Variants in ARNT2 observed in about 807,000 individuals in gnomAD.
ARNT2 encodes aryl hydrocarbon receptor nuclear translocator 2, also known as ARNT protein 2.
Under a neutral mutation model 91.7 loss-of-function variants are expected in ARNT2, and 36 were observed. The observed-to-expected ratio is 0.39, with a 90% CI of 0.30 to 0.52. The LOEUF is 0.52. ARNT2 is among the 20% of genes least tolerant of loss of function. The pLI, the probability that ARNT2 is intolerant of heterozygous loss-of-function variation, is 0.72. For missense variants in ARNT2, 775 were observed against 939.3 expected (o/e 0.83, Z 2.29); for synonymous variants, 365 against 347.1 (o/e 1.05, Z -0.57).
chr15:80,568,120 C>T (rs1345516024), intron 12 of ARNT2, among the ~76,000 whole-genome samples: 1 of 152,166 alleles, frequency 6.6e-6, no homozygotes, highest in Non-Finnish European at 1.5e-5. Context: ...ATCATCCTTG[C>T]TTTTTTTCCT....
At chr15:80,483,504 G>C (rs1896921142) in intron 5 of ARNT2, among the ~76,000 whole-genome samples, 1 of 152,178 alleles carries the variant, frequency 6.6e-6, no homozygotes, top group Non-Finnish European at 1.5e-5. Flanking sequence ...TTGCTATCTA[G>C]GGCAGAGGCT....
chr15:80,427,576 A>T (rs1370890411), intron 1 of ARNT2, among the ~76,000 whole-genome samples: 1 of 152,218 alleles, frequency 6.6e-6, no homozygotes, highest in African/African-American at 2.4e-5. Context: ...TTTAGAATAC[A>T]GAGTGTGAGG....
chr15:80,566,285 C>T (rs147387872), intron 12 of ARNT2, among the ~76,000 whole-genome samples: 2 of 151,730 alleles, frequency 1.3e-5, no homozygotes, highest in Non-Finnish European at 2.9e-5. Flanking sequence ...ACCTTGCCTT[C>T]CAACAAACAG....
intron 8 of ARNT2, among the ~76,000 whole-genome samples, chr15:80,525,161 A>G (rs911156808): frequency 1.3e-5 from 2 of 152,248 alleles, no homozygotes; most frequent in Non-Finnish European, 2.9e-5. Flanking sequence ...CTAAAGAGGC[A>G]TTCCAGACAA....
chr15:80,407,642 C>G (rs1178831778), intron 1 of ARNT2, among the ~76,000 whole-genome samples: 1 of 152,160 alleles, frequency 6.6e-6, no homozygotes, highest in African/African-American at 2.4e-5. Flanking sequence ...TCTTTTCTCT[C>G]TGGCCAGGAA....
intron 5 of ARNT2, among the ~76,000 whole-genome samples, chr15:80,486,735 G>T (rs77653620): frequency 0.047 from 7,200 of 152,258 alleles, 311 homozygotes; most frequent in East Asian, 0.13. Flanking sequence ...CCTGCTGGGG[G>T]ATAGGAATAC....
intron 3 of ARNT2, among the ~76,000 whole-genome samples, chr15:80,469,487 A>G (rs980078280): frequency 2.6e-5 from 4 of 151,010 alleles, no homozygotes; most frequent in African/African-American, 9.7e-5. Flanking sequence ...TGCAAGATAT[A>G]ATATGTAAAT....
intron 3 of ARNT2, among the ~76,000 whole-genome samples, chr15:80,466,500 G>T (rs557820116): frequency 1.3e-5 from 2 of 152,290 alleles, no homozygotes; most frequent in South Asian, 4.1e-4. Context: ...CAAGCATGTG[G>T]TACACACGCA....
rs1337013035 is a variant in ARNT2 at position 80,597,215 on chromosome 15, C to G, written c.*3517C>G. The G allele has an allele frequency of 1.9e-6, 1 of 518,484 alleles. No individual in the cohort carries two copies. The highest frequency in any genetic ancestry group is 1.9e-5 in the Admixed American group (1 of 51,534). 32.1% of individuals were successfully genotyped at this position (518,484 alleles called of 1,614,324 possible). A position where few individuals can be genotyped will look rare whatever the true frequency, so the allele number is the denominator to read the frequency against. Reference sequence around the variant, plus strand: ...CCCAGGGAATGAATGGTGGTCTCCCCACTCCCGGCAGCACTTTAGGCAGCC... The same window carrying G: ...CCCAGGGAATGAATGGTGGTCTCCCGACTCCCGGCAGCACTTTAGGCAGCC... On this transcript the variant is annotated 3_prime_UTR_variant, in exon 19 of 19. Transcript: ENST00000303329.
At chr15:80,434,391 C>T (rs1217575962) in intron 1 of ARNT2, 3 of 152,216 alleles carry the variant, frequency 2.0e-5, no homozygotes, top group Non-Finnish European at 2.9e-5. Context: ...TTGAGAATAA[C>T]GGAATTGCCT....
At chr15:80,453,297 T>C (rs572680647) in intron 2 of ARNT2, among the ~76,000 whole-genome samples, 4 of 152,274 alleles carry the variant, frequency 2.6e-5, no homozygotes, top group Admixed American at 2.6e-4. Context: ...GCAGGACCTG[T>C]GGAAGGCAAA....
intron 11 of ARNT2, among the ~76,000 whole-genome samples, chr15:80,562,626 C>T (rs1193336640): frequency 1.3e-5 from 2 of 152,164 alleles, no homozygotes; most frequent in Non-Finnish European, 1.5e-5. Context: ...CAACGTTAAG[C>T]AGGGTTAAGC....
chr15:80,404,452 C>T lies in ARNT2; in HGVS notation c.-64C>T, dbSNP rs1895566201. 1 of 1,124,052 alleles carries T rather than the reference C, an allele frequency of 8.9e-7. No homozygotes were observed. Among genetic ancestry groups the T allele is most frequent in the Non-Finnish European group, 1.1e-6 (1 of 894,478 alleles). 69.6% of individuals were successfully genotyped at this position (1,124,052 alleles called of 1,614,324 possible). ...GCCTGACCGGGTCCCCGGGGCTGAG[C>T]GCCGGGCTCCGCGCCGCCCCTCCCG... On this transcript the variant is annotated 5_prime_UTR_variant, in exon 1 of 19. Transcript: ENST00000303329. This position sits in a 1 kb window ranked among gnomAD's most constrained non-coding sequence, Gnocchi z 5.5.
intron 1 of ARNT2, among the ~76,000 whole-genome samples, chr15:80,409,288 T>G (rs1895649132): frequency 6.6e-6 from 1 of 152,252 alleles, no homozygotes; most frequent in Non-Finnish European, 1.5e-5. Flanking sequence ...GTCTCCATAG[T>G]TTTGCCTTTT....
At chr15:80,445,671 C>T (rs1408704232) in intron 1 of ARNT2, among the ~76,000 whole-genome samples, 3 of 151,892 alleles carry the variant, frequency 2.0e-5, no homozygotes, top group African/African-American at 7.3e-5. Context: ...CAGGGAGACC[C>T]GAGTGGGGTC....
At chr15:80,421,295 A>G (rs1382333073) in intron 1 of ARNT2, among the ~76,000 whole-genome samples, 1 of 152,050 alleles carries the variant, frequency 6.6e-6, no homozygotes, top group East Asian at 1.9e-4. Context: ...TATTGAGTAC[A>G]ATGCACACTA....
At chr15:80,497,528 C>G (rs1157304926) in intron 5 of ARNT2, among the ~76,000 whole-genome samples, 1 of 152,222 alleles carries the variant, frequency 6.6e-6, no homozygotes, top group Non-Finnish European at 1.5e-5. Context: ...TAGCCCAGCC[C>G]AGACAACACC....
chr15:80,476,938 G>A (rs990257734), intron 5 of ARNT2, among the ~76,000 whole-genome samples: 1 of 152,152 alleles, frequency 6.6e-6, no homozygotes, highest in African/African-American at 2.4e-5. Flanking sequence ...GGATCATGGG[G>A]GTGGGTTCGC....
intron 1 of ARNT2, among the ~76,000 whole-genome samples, chr15:80,417,666 A>C: frequency 2.1e-5 from 3 of 143,264 alleles, no homozygotes; most frequent in Admixed American, 7.1e-5. Context: ...CCTTCTCCCC[A>C]ACCCCCTCCC....
Sources: allele counts gnomAD v4.1 joint callset (sites outside exome capture counted in the v4.1 genomes callset), GRCh38; gene constraint gnomAD v4.1.1; non-coding constraint Gnocchi (gnomAD v3.1); transcripts MANE v1.5; gene names NCBI Gene and HGNC (gene_info 2026-07-23, HGNC 2026-07-21).